Variants in TJP2 observed in about 807,000 individuals in gnomAD.
TJP2 encodes tight junction protein 2, also known as Friedreich ataxia region gene X104 (tight junction protein ZO-2).
TJP2 carries 91 observed loss-of-function variants against 133.1 expected under a neutral mutation model. The ratio of observed to expected loss-of-function variants is 0.68; its 90% CI spans 0.58 to 0.81. TJP2 has a LOEUF of 0.81. Among genes scored for constraint, TJP2 ranks in the 40% least tolerant of loss-of-function variants. The probability of loss-of-function intolerance (pLI) is 0.00; values close to 1 mark genes in which losing one functional copy is unlikely to be tolerated. For missense variants in TJP2, 1,541 were observed against 1,565.6 expected, an observed-to-expected ratio of 0.98 and a Z score of 0.26; for synonymous variants, 592 against 583.4, an observed-to-expected ratio of 1.01 and a Z score of -0.21.
In TJP2 at chr9:69,248,052, A is replaced by G. The variant is rs775354216; in HGVS notation, c.2708A>G (p.Tyr903Cys). The G allele has an allele frequency of 1.2e-6, 2 of 1,613,830 alleles. No homozygotes were observed. Among genetic ancestry groups the G allele is most frequent in the Non-Finnish European group, 1.7e-6 (2 of 1,179,792 alleles). The stretch of plus-strand genomic sequence containing the variant: ...GATGACCCCGAAGACCGCATGTCCT[A>G]CTTAACCGCCATGGGCGCGGACTAT... ...MDDDPEDRMS[Y>C]LTAMGADYLS... Residue 903 changes from tyrosine (Y) to cysteine (C), a missense_variant, in exon 19 of 23, where the codon TAC (tyrosine) becomes TGC (cysteine). By Grantham distance (194) the Tyr-to-Cys change is radical. Transcript: ENST00000377245.
intron 2 of TJP2, among the ~76,000 whole-genome samples, chr9:69,155,693 T>TG (rs757489455): frequency 2.0e-5 from 3 of 152,250 alleles, no homozygotes; most frequent in Non-Finnish European, 4.4e-5. Context: ...TCTCGCACTG[T>TG]GCTGCTGAGG....
chr9:69,227,526 A>G (rs1185847862), intron 7 of TJP2, among the ~76,000 whole-genome samples: 1 of 152,228 alleles, frequency 6.6e-6, no homozygotes, highest in Non-Finnish European at 1.5e-5. Context: ...GCTTTGATGG[A>G]AAATGAGACA....
At position 69,251,310 on chromosome 9, in the gene TJP2, T is replaced by C; in HGVS notation, c.3267T>C (p.Asp1089=). ...AAGTCAAAATATTTGAGAAGATGGATCACAAGGCCAGGTTACAGAGAATGC... is the reference window on the plus strand; with the variant it reads ...AAGTCAAAATATTTGAGAAGATGGACCACAAGGCCAGGTTACAGAGAATGC... ...LGKVKIFEKM[D]HKARLQRMQE... Residue 1089 remains aspartate (D), a synonymous_variant, in exon 21 of 23, where the codon GAT becomes GAC. Coordinates refer to ENST00000377245, the MANE Select transcript of TJP2 (RefSeq NM_004817.4). 6.2e-7 allele frequency: 1 copy of C among 1,614,138 alleles called. No homozygotes were observed.
Position 69,251,200 on chromosome 9 carries a change from T to A in TJP2, c.3157T>A (p.Ser1053Thr). The stretch of plus-strand genomic sequence containing the variant: ...CTTTGGGCGGTCTATACTGAAGCCC[T>A]CCACTCCCATCCCTCCTCAAGAGGG... Reference protein sequence around the residue: ...PTFGRSILKPSTPIPPQEGEE... With the variant: ...PTFGRSILKPTTPIPPQEGEE... Residue 1053 changes from serine to threonine, a missense_variant, in exon 21 of 23, where the codon TCC (serine) becomes ACC (threonine). Transcript: ENST00000377245. 1 of 1,614,062 alleles carries A rather than the reference T, an allele frequency of 6.2e-7. No individual in the cohort carries two copies. The highest frequency in any genetic ancestry group is 1.3e-5 in the African/African-American group (1 of 75,000).
intron 1 of TJP2, among the ~76,000 whole-genome samples, chr9:69,135,752 C>T (rs1383770622): frequency 1.3e-5 from 2 of 152,094 alleles, no homozygotes; most frequent in Admixed American, 6.5e-5. Context: ...ACTATAGGCT[C>T]GCGCCATCAC....
rs576331097 is a variant in TJP2 at position 69,189,966 on chromosome 9, C to T, written c.60+15534C>T. Among the ~76,000 whole-genome samples the T allele has an allele frequency of 8.1e-5, 9 of 111,512 alleles. 4 individuals carry two copies. The highest frequency in any genetic ancestry group is 1.7e-4 in the African/African-American group (5 of 29,808). The allele number at this position is 111,512 out of a possible 152,430, so 73.2% of individuals were successfully genotyped here. On this transcript the variant is annotated intron_variant, in intron 1 of 22. Coordinates refer to ENST00000377245, the MANE Select transcript of TJP2 (RefSeq NM_004817.4). ...ACTAAAAATACAAAAAGAAATTAGC[C>T]GGGTATGGTGGTGGACGCCTGTAGT... is the stretch of plus-strand genomic sequence containing the variant.
chr9:69,217,649 G>A (rs918097435), intron 3 of TJP2, among the ~76,000 whole-genome samples: 1 of 152,178 alleles, frequency 6.6e-6, no homozygotes, highest in African/African-American at 2.4e-5. Flanking sequence ...TCACACTACT[G>A]CAGTCCTTCC....
chr9:69,204,510 G>C (rs7020869), intron 1 of TJP2, among the ~76,000 whole-genome samples: 57,735 of 151,976 alleles, frequency 0.38, 11,228 homozygotes, highest in South Asian at 0.44. Context: ...AGACGGCAGG[G>C]CTCTTTGTTA....
chr9:69,243,607 G>A (rs1830716411), intron 17 of TJP2, among the ~76,000 whole-genome samples: 1 of 152,174 alleles, frequency 6.6e-6, no homozygotes, highest in African/African-American at 2.4e-5. Flanking sequence ...AAAGTACTCA[G>A]TGCATGGTTC....
At chr9:69,233,042 TATGTAGATACAG>T (rs1355502448) in intron 11 of TJP2, among the ~76,000 whole-genome samples, 2 of 152,182 alleles carry the variant, frequency 1.3e-5, no homozygotes, top group African/African-American at 4.8e-5. Flanking sequence ...CATATGGCTA[TATGTAGATACAG>T]ATGTAGATAA....
chr9:69,196,952 C>CGTGTGTGT (rs1564425681), intron 1 of TJP2, among the ~76,000 whole-genome samples: 8 of 149,086 alleles, frequency 5.4e-5, no homozygotes, highest in Admixed American at 4.7e-4. Context: ...TGTGTACACA[C>CGTGTGTGT]ACACACACAC....
In TJP2 at chr9:69,227,998, C is replaced by T. The variant is rs150193775; in HGVS notation, c.1337C>T (p.Pro446Leu). 8.1e-6 allele frequency: 13 copies of T among 1,613,996 alleles called. No homozygotes were observed. Among genetic ancestry groups the T allele is most frequent in the African/African-American group, 4.0e-5 (3 of 74,884 alleles). Residue 446 changes from proline to leucine, a missense_variant, in exon 9 of 23, where the codon CCG (proline) becomes CTG (leucine). Transcript: ENST00000377245. ...KERPSSREDT[P>L]SRLSRMGATP... ...TGATTCAGTTCCAGAGAGGACACGC[C>T]GAGCAGATTGTCCAGGATGGGTGCG...
Position 69,238,812 on chromosome 9 carries a change from C to G in TJP2, c.2355+23C>G. The G allele has an allele frequency of 1.9e-6, 3 of 1,572,032 alleles. No individual in the cohort carries two copies. In the South Asian group the frequency reaches 3.3e-5, roughly 18 times the overall value. The stretch of plus-strand genomic sequence containing the variant: ...CAGGTGAGAAAATTCATCCACAGAC[C>G]GTGTTTTCAGAAAGAATTAGATTAT... On this transcript the variant is annotated intron_variant, in intron 16 of 22. Transcript: ENST00000377245.
Position 69,238,692 on chromosome 9 carries a change from C to T in TJP2, c.2276-18C>T. On this transcript the variant is annotated intron_variant, in intron 15 of 22. Coordinates refer to ENST00000377245, the MANE Select transcript of TJP2 (RefSeq NM_004817.4). ...GTTTTCTAAACAATTATTTAGCTTC[C>T]TGTTTTTGCTTTTGCAGAAACGGAA... The T allele has an allele frequency of 6.2e-7, 1 of 1,609,040 alleles. No homozygotes were observed.
intron 21 of TJP2, among the ~76,000 whole-genome samples, chr9:69,252,593 G>A (rs552248394): frequency 2.0e-5 from 3 of 152,140 alleles, no homozygotes; most frequent in Admixed American, 6.6e-5. Context: ...CCAGGTTGTA[G>A]CATGTGTCAG....
intron 1 of TJP2, among the ~76,000 whole-genome samples, chr9:69,208,265 A>G (rs1827590672): frequency 6.6e-6 from 1 of 152,236 alleles, no homozygotes; most frequent in Non-Finnish European, 1.5e-5. Flanking sequence ...CAGAGCATAT[A>G]TTCTTTGAAT....
At chr9:69,215,963 A>G (rs1283694628) in intron 2 of TJP2, among the ~76,000 whole-genome samples, 1 of 152,230 alleles carries the variant, frequency 6.6e-6, no homozygotes, top group Non-Finnish European at 1.5e-5. Context: ...GTACAGGTTC[A>G]GTTTTTACTG....
intron 1 of TJP2, among the ~76,000 whole-genome samples, chr9:69,134,435 G>A (rs1394858942): frequency 6.6e-6 from 1 of 152,216 alleles, no homozygotes; most frequent in Non-Finnish European, 1.5e-5. Flanking sequence ...GATACCCTGG[G>A]CAATGTGGGG....
In TJP2 at chr9:69,229,180, A is replaced by G. The variant is rs1232433619; in HGVS notation, c.1454-4A>G. 1.9e-6 allele frequency: 3 copies of G among 1,613,830 alleles called. No homozygotes were observed. The highest frequency in any genetic ancestry group is 2.5e-6 in the Non-Finnish European group (3 of 1,179,846). ...GATAACAGTAGATGTTTCTTAACCTACAGCTCCTCAACCAAAAGCAGCCCC... is the reference window on the plus strand; with the variant it reads ...GATAACAGTAGATGTTTCTTAACCTGCAGCTCCTCAACCAAAAGCAGCCCC... On this transcript the variant is annotated splice_polypyrimidine_tract_variant and splice_region_variant and intron_variant, in intron 9 of 22. Transcript: ENST00000377245.
Sources: gnomAD v4.1 joint callset for allele counts (sites outside exome capture counted in the v4.1 genomes callset) on GRCh38, gnomAD v4.1.1 for gene constraint, MANE v1.5 for transcripts, NCBI Gene and HGNC (gene_info 2026-07-23, HGNC 2026-07-21) for gene names.